The following NPHP1 variants were observed in gnomAD, a reference collection of about 807,000 sequenced individuals.
NPHP1 encodes nephrocystin 1.
A neutral mutation model predicts 90.4 loss-of-function variants in NPHP1; 70 were observed. The ratio of observed to expected loss-of-function variants is 0.77; its 90% confidence interval spans 0.64 to 0.95. NPHP1 has a LOEUF of 0.95. NPHP1 is among the 40% of genes least tolerant of loss of function. NPHP1 has a pLI of 0.00. For synonymous variants in NPHP1, 256 were observed against 271.7 expected, an observed-to-expected ratio of 0.94 and a Z score of 0.57; for missense variants, 764 against 795.9, an observed-to-expected ratio of 0.96 and a Z score of 0.48.
In NPHP1 at chr2:110,161,717, T is replaced by C. The variant is rs755598404; in HGVS notation, c.860-20A>G. On this transcript the variant is annotated intron_variant, in intron 9 of 19. Coordinates refer to ENST00000445609, the MANE Select transcript of NPHP1 (RefSeq NM_001128178.3). ...GATTCCCTGAAAAAATCATTTTTTC[T>C]TCATTTTCTTACAAAGAAAGAAACT... The C allele has an allele frequency of 1.6e-5, 25 of 1,539,046 alleles. No individual in the cohort carries two copies. Among genetic ancestry groups the C allele is most frequent in the Non-Finnish European group, 9.0e-7 (1 of 1,112,802 alleles).
At chr2:110,168,382 C>T in intron 6 of NPHP1, 70 bp downstream of exon 6, 2 of 965,160 alleles carry the variant, frequency 2.1e-6, no homozygotes, top group Non-Finnish European at 3.3e-6. Context: ...CAAAAGAACA[C>T]AGCTAAATGT....
intron 16 of NPHP1, among the ~76,000 whole-genome samples, chr2:110,141,463 G>A (rs1680623352): frequency 6.6e-6 from 1 of 152,128 alleles, no homozygotes; most frequent in Non-Finnish European, 1.5e-5. Flanking sequence ...GTCTAGGAGG[G>A]TACTGAGTGA....
intron 17 of NPHP1, among the ~76,000 whole-genome samples, chr2:110,129,954 C>T (rs2104431650): frequency 6.6e-6 from 1 of 152,236 alleles, no homozygotes; most frequent in Admixed American, 6.5e-5. Context: ...AATTATTTCT[C>T]CAAGTTCTGG....
In NPHP1 at chr2:110,144,540, G is replaced by C. The variant is rs189982575; in HGVS notation, c.1382C>G (p.Thr461Ser). Reference protein sequence around the residue: ...KTYELFLNGGTPYEKGIEVDP... With the variant: ...KTYELFLNGGSPYEKGIEVDP... Reference sequence around the variant, plus strand: ...CACTTCAATACCTTTTTCATAAGGAGTACCACCATTCAAGAAAAGCTCATA... The same window carrying C: ...CACTTCAATACCTTTTTCATAAGGACTACCACCATTCAAGAAAAGCTCATA... The change falls in exon 15 of 20, where the codon ACT (threonine) becomes AGT (serine). Residue 461 changes from threonine to serine, a missense_variant. Physicochemically the swap from Thr to Ser is moderately conservative, Grantham distance 58 (BLOSUM62 1). Transcript: ENST00000445609. 4.1e-5 allele frequency: 66 copies of C among 1,604,812 alleles called. No homozygotes were observed. In the Admixed American group the frequency reaches 7.3e-4, roughly 18 times the overall value.
chr2:110,149,591 A>C (rs1310300186), intron 12 of NPHP1, among the ~76,000 whole-genome samples: 1 of 152,200 alleles, frequency 6.6e-6, no homozygotes, highest in South Asian at 2.1e-4. Context: ...AAGGTAACTA[A>C]GGGTTTTCAG....
rs544472171 is a variant in NPHP1 at position 110,189,927 on chromosome 2, G to A, written c.144-10243C>T. ...ACAAACCTTGAGCTAGATACAGAGTGCCGATTGGTGTGTTTACAATCCCTG... is the reference window on the plus strand; with the variant it reads ...ACAAACCTTGAGCTAGATACAGAGTACCGATTGGTGTGTTTACAATCCCTG... On this transcript the variant is annotated intron_variant, in intron 2 of 19. Coordinates refer to ENST00000445609, the MANE Select transcript of NPHP1 (RefSeq NM_001128178.3). Among the ~76,000 whole-genome samples the A allele has an allele frequency of 2.6e-5, 4 of 152,110 alleles. No individual in the cohort carries two copies. In the South Asian group the frequency reaches 8.3e-4, roughly 32 times the overall value.
intron 4 of NPHP1, among the ~76,000 whole-genome samples, chr2:110,175,518 A>G (rs1683445530): frequency 6.6e-6 from 1 of 152,106 alleles, no homozygotes; most frequent in African/African-American, 2.4e-5. Context: ...CGTTTTCAAG[A>G]TGTTACTGTT....
At position 110,124,075 on chromosome 2, in the gene NPHP1, C is replaced by G; in HGVS notation, c.1762-12G>C. ...AACTCTTTGTCTCTCTGGGAAAACACCACCCCCACAAATAACATTGTTATT... is the reference window on the plus strand; with the variant it reads ...AACTCTTTGTCTCTCTGGGAAAACAGCACCCCCACAAATAACATTGTTATT... On this transcript the variant is annotated splice_polypyrimidine_tract_variant and intron_variant, in intron 19 of 19. Transcript: ENST00000445609. 6.2e-7 allele frequency: 1 copy of G among 1,613,642 alleles called. No individual in the cohort carries two copies. Among genetic ancestry groups the G allele is most frequent in the Non-Finnish European group, 8.5e-7 (1 of 1,179,550 alleles).
chr2:110,160,982 G>A (rs550356330), intron 10 of NPHP1, among the ~76,000 whole-genome samples: 18 of 151,908 alleles, frequency 1.2e-4, no homozygotes, highest in Non-Finnish European at 2.2e-4. Flanking sequence ...GCCTGGCAAC[G>A]TGGCAAAACC....
At position 110,123,628 on chromosome 2, in the gene NPHP1, A is replaced by C. The variant is rs1007236594; in HGVS notation, c.*163T>G. 3 of 643,038 alleles carry C rather than the reference A, an allele frequency of 4.7e-6. No homozygotes were observed. In the African/African-American group the frequency reaches 5.5e-5, roughly 12 times the overall value. The allele number at this position is 643,038 out of a possible 1,614,324, so 39.8% of individuals were successfully genotyped here. A position where few individuals can be genotyped will look rare whatever the true frequency, so the allele number is the denominator to read the frequency against. On this transcript the variant is annotated 3_prime_UTR_variant, in exon 20 of 20. Coordinates refer to ENST00000445609, the MANE Select transcript of NPHP1 (RefSeq NM_001128178.3). Reference sequence around the variant, plus strand: ...TATTTTATGGTTTTAAAAAATATTTAAATTATTGTATAAACATTTCTTTAA... The same window carrying C: ...TATTTTATGGTTTTAAAAAATATTTCAATTATTGTATAAACATTTCTTTAA...
chr2:110,195,329 T>C (rs552990221), intron 2 of NPHP1, among the ~76,000 whole-genome samples: 25 of 152,260 alleles, frequency 1.6e-4, no homozygotes, highest in African/African-American at 2.6e-4. Flanking sequence ...ACAAAGTCAA[T>C]GTGCAAAAAT....
intron 2 of NPHP1, among the ~76,000 whole-genome samples, chr2:110,188,302 G>A (rs911119180): frequency 1.3e-5 from 2 of 152,120 alleles, no homozygotes; most frequent in African/African-American, 4.8e-5. Context: ...AAGCTGATAA[G>A]CAACCTCAGC....
chr2:110,181,127 G>C (rs1164892471), intron 2 of NPHP1, among the ~76,000 whole-genome samples: 1 of 152,172 alleles, frequency 6.6e-6, no homozygotes, highest in Non-Finnish European at 1.5e-5. Flanking sequence ...AAGCAGTCTG[G>C]AATCTTTCTG....
chr2:110,144,828 G>A (rs1023030724), intron 14 of NPHP1, among the ~76,000 whole-genome samples: 4 of 152,020 alleles, frequency 2.6e-5, no homozygotes, highest in African/African-American at 9.7e-5. Context: ...CCTTGAAAAT[G>A]AGAAAAATTA....
At chr2:110,129,350 T>C in intron 17 of NPHP1, 91 bp from the exon 18 acceptor site, 1 of 953,750 alleles carries the variant, frequency 1.0e-6, no homozygotes, top group Non-Finnish European at 1.7e-6. Flanking sequence ...ATGAAAATTA[T>C]TGTGCCAAAT....
intron 2 of NPHP1, among the ~76,000 whole-genome samples, chr2:110,191,218 T>C (rs939659866): frequency 2.0e-5 from 3 of 152,072 alleles, no homozygotes; most frequent in Admixed American, 6.5e-5. Context: ...GGGCGAGGCA[T>C]TGCCTCACCC....
rs1683009797 is a variant in NPHP1 at position 110,170,005 on chromosome 2, A to C, written c.330-7T>G. ...TTCAGTAGGTGCCCCAACTCTACAA[A>C]AAGTGTTTCTGAGTAGGACTACTTG... On this transcript the variant is annotated splice_region_variant and splice_polypyrimidine_tract_variant and intron_variant, in intron 4 of 19. Transcript: ENST00000445609. 1.9e-6 allele frequency: 3 copies of C among 1,613,138 alleles called. No homozygotes were observed. Among genetic ancestry groups the C allele is most frequent in the Admixed American group, 1.7e-5 (1 of 59,996 alleles).
intron 4 of NPHP1, among the ~76,000 whole-genome samples, chr2:110,173,514 GC>G (rs1683308272): frequency 6.6e-6 from 1 of 152,030 alleles, no homozygotes; most frequent in Non-Finnish European, 1.5e-5. Context: ...TACAATGATG[GC>G]CCCATACATA....
rs776930668 is a variant in NPHP1 at position 110,164,632 on chromosome 2, A to G, written c.771+56T>C. The G allele has an allele frequency of 1.2e-6, 2 of 1,613,264 alleles. No homozygotes were observed. The highest frequency in any genetic ancestry group is 1.7e-5 in the Admixed American group (1 of 60,004). ...TTCCACAGTCTCCATCCTATTTCGC[A>G]TCAGAACTATTAGGTAGCAAAACGA... On this transcript the variant is annotated intron_variant, in intron 8 of 19. Coordinates refer to ENST00000445609, the MANE Select transcript of NPHP1 (RefSeq NM_001128178.3).
Sources: allele counts gnomAD v4.1 joint callset (sites outside exome capture counted in the v4.1 genomes callset), GRCh38; gene constraint gnomAD v4.1.1; transcripts MANE v1.5; gene names NCBI Gene and HGNC (gene_info 2026-07-23, HGNC 2026-07-21).